SERPINE2: variants seen among roughly 807,000 people sequenced by gnomAD.
SERPINE2 encodes serpin family E member 2, also known as glia-derived nexin.
Under a neutral mutation model 36.3 loss-of-function variants are expected in SERPINE2, and 14 were observed. The ratio of observed to expected loss-of-function variants is 0.39; its 90% CI spans 0.25 to 0.60. The LOEUF (loss-of-function observed/expected upper bound fraction) is 0.60. Ranked by LOEUF, SERPINE2 falls within the 20% of genes least tolerant of loss-of-function variation. The probability of loss-of-function intolerance (pLI) is 0.57; values close to 1 mark genes in which losing one functional copy is unlikely to be tolerated. For missense variants in SERPINE2, 418 were observed against 499.6 expected (o/e 0.84, Z 1.56); for synonymous variants, 192 against 191.8 (o/e 1.00, Z -0.01).
intron 1 of SERPINE2, among the ~76,000 whole-genome samples, chr2:224,011,227 G>A (rs1489235703): frequency 2.6e-5 from 4 of 152,142 alleles, no homozygotes; most frequent in African/African-American, 9.7e-5. Context: ...ACCAAGAGGT[G>A]ACCCAAGACA....
At chr2:224,030,086 CT>C (rs1339601721) in intron 1 of SERPINE2, 4 of 985,310 alleles carry the variant, frequency 4.1e-6, no homozygotes, top group Admixed American at 1.2e-4. Flanking sequence ...AACGTGTTCC[CT>C]GGAAGACCTC....
At chr2:224,025,216 C>A (rs1202724284) in intron 1 of SERPINE2, among the ~76,000 whole-genome samples, 1 of 152,166 alleles carries the variant, frequency 6.6e-6, no homozygotes, top group Non-Finnish European at 1.5e-5. Flanking sequence ...GGTCACCTGC[C>A]CGCCCCTTGC....
intron 1 of SERPINE2, among the ~76,000 whole-genome samples, chr2:224,031,904 A>G (rs1201389638): frequency 6.6e-6 from 1 of 152,108 alleles, no homozygotes; most frequent in Non-Finnish European, 1.5e-5. Flanking sequence ...GATGAGAGGC[A>G]AGGAGAAAGA....
At chr2:224,005,066 T>TATATATTTATATATATATA (rs1691356737) in intron 1 of SERPINE2, among the ~76,000 whole-genome samples, 1 of 86,462 alleles carries the variant, frequency 1.2e-5, no homozygotes, top group South Asian at 2.7e-4. Flanking sequence ...TTATATATAT[T>TATATATTTATATATATATA]ATATATATAT....
At chr2:223,982,932 A>T (rs1690274084) in intron 5 of SERPINE2, 151 bp from the exon 6 acceptor site, 2 of 587,046 alleles carry the variant, frequency 3.4e-6, no homozygotes, top group African/African-American at 3.8e-5. Context: ...AAATTTAAAT[A>T]CCAGATAAGT....
chr2:224,017,599 C>T (rs1461281757), intron 1 of SERPINE2, among the ~76,000 whole-genome samples: 1 of 152,174 alleles, frequency 6.6e-6, no homozygotes, highest in Non-Finnish European at 1.5e-5. Context: ...GTTCCTAAGA[C>T]AAACCACCCA....
intron 1 of SERPINE2, chr2:224,030,358 A>G (rs765700162): frequency 2.6e-5 from 9 of 340,338 alleles, no homozygotes; most frequent in Non-Finnish European, 3.7e-5. Context: ...TGAGTCTCAG[A>G]GAAGTGCTCA....
Position 223,998,224 on chromosome 2 carries a change from A to G in SERPINE2, c.378T>C (p.Phe126=). 6.2e-7 allele frequency: 1 copy of G among 1,614,172 alleles called. No homozygotes were observed. The highest frequency in any genetic ancestry group is 2.2e-5 in the East Asian group (1 of 44,882). ...GGAACACATCTTTGTTCCTTGTAAC[A>G]AAAGGCACTTCAATTTCAGAGGCAT... ...VKNASEIEVP[F]VTRNKDVFQC... is the part of the protein sequence containing the mutation. The change falls in exon 3 of 9, where the codon TTT becomes TTC. Residue 126 remains phenylalanine (F), a synonymous_variant. Coordinates refer to ENST00000409304, the MANE Select transcript of SERPINE2 (RefSeq NM_001136528.2).
intron 1 of SERPINE2, among the ~76,000 whole-genome samples, chr2:224,007,355 C>T (rs1386337953): frequency 3.3e-5 from 5 of 152,120 alleles, no homozygotes; most frequent in African/African-American, 1.2e-4. Flanking sequence ...ATAAAACATA[C>T]ATATATTTTT....
intron 1 of SERPINE2, among the ~76,000 whole-genome samples, chr2:224,007,441 A>G (rs1338638524): frequency 2.6e-5 from 4 of 152,224 alleles, no homozygotes; most frequent in African/African-American, 9.6e-5. Flanking sequence ...CATCCAGAAA[A>G]AACAATTATT....
intron 5 of SERPINE2, among the ~76,000 whole-genome samples, chr2:223,983,944 T>C (rs2106138721): frequency 7.0e-6 from 1 of 143,362 alleles, no homozygotes; most frequent in Non-Finnish European, 1.5e-5. Flanking sequence ...TATCAAGCAT[T>C]GCCTACTTGA....
At chr2:223,977,869 C>T (rs1031753171) in intron 7 of SERPINE2, 15 of 455,508 alleles carry the variant, frequency 3.3e-5, no homozygotes, top group African/African-American at 2.9e-4. Context: ...CTCTGATAAA[C>T]ATACTTACTC....
In SERPINE2 at chr2:223,976,874, G is replaced by A. The variant is rs569324902; in HGVS notation, c.1156+670C>T. Among the ~76,000 whole-genome samples the A allele has an allele frequency of 5.9e-5, 9 of 152,278 alleles. No homozygotes were observed. In the South Asian group the frequency reaches 1.0e-3, roughly 18 times the overall value. On this transcript the variant is annotated intron_variant, in intron 8 of 8. Coordinates refer to ENST00000409304, the MANE Select transcript of SERPINE2 (RefSeq NM_001136528.2). ...TGTGTCTCCACTCAAATCTTGCCTCGAATTGTTAATAATCCCCATATATCA... is the reference window on the plus strand; with the variant it reads ...TGTGTCTCCACTCAAATCTTGCCTCAAATTGTTAATAATCCCCATATATCA...
intron 1 of SERPINE2, among the ~76,000 whole-genome samples, chr2:224,005,470 T>A (rs968140659): frequency 3.3e-5 from 5 of 152,198 alleles, no homozygotes; most frequent in Non-Finnish European, 5.9e-5. Flanking sequence ...TAAACTCACC[T>A]GGCTTATATA....
chr2:223,991,712 G>A, intron 4 of SERPINE2, 91 bp downstream of exon 4: 1 of 1,328,432 alleles, frequency 7.5e-7, no homozygotes. Flanking sequence ...AAGATGAAAA[G>A]TTAGATTTGC....
rs1414770380 is a variant in SERPINE2 at position 223,980,564 on chromosome 2, C to T, written c.986-167G>A. On this transcript the variant is annotated intron_variant, in intron 6 of 8. Transcript: ENST00000409304. ...TGTTGAAGGCTGCAGACAGCTGTTA[C>T]TTGTGAATTTCAGTCCCTGCTAAGT... 8.4e-6 allele frequency: 5 copies of T among 595,576 alleles called. No individual in the cohort carries two copies. In the African/African-American group the frequency reaches 9.3e-5, roughly 11 times the overall value. 36.9% of individuals were successfully genotyped at this position (595,576 alleles called of 1,614,324 possible). A position where few individuals can be genotyped will look rare whatever the true frequency, so the allele number is the denominator to read the frequency against.
intron 3 of SERPINE2, among the ~76,000 whole-genome samples, chr2:223,997,330 C>T (rs1334595934): frequency 6.6e-6 from 1 of 152,178 alleles, no homozygotes; most frequent in African/African-American, 2.4e-5. Context: ...AAGCGATTCT[C>T]CTGCCTCAGC....
At chr2:224,036,252 A>G (rs1692530218) in intron 1 of SERPINE2, among the ~76,000 whole-genome samples, 1 of 151,790 alleles carries the variant, frequency 6.6e-6, no homozygotes, top group Non-Finnish European at 1.5e-5. Context: ...CACAAAAGGG[A>G]TGACAGCGAA....
Position 223,984,913 on chromosome 2 carries a change from G to C in SERPINE2, c.723C>G (p.Phe241Leu), listed in dbSNP as rs1432206719. ...TTTCCCCGTGGTAGGGCAGTTCAAT[G>C]AAGTTGTACCATAAATCATTGGGGG... is the stretch of plus-strand genomic sequence containing the variant. ...TSAPNDLWYN[F>L]IELPYHGESI... The change falls in exon 5 of 9, where the codon TTC (phenylalanine) becomes TTG (leucine). Residue 241 changes from phenylalanine (F) to leucine (L), a missense_variant. Transcript: ENST00000409304. 6.2e-7 allele frequency: 1 copy of C among 1,614,086 alleles called. No individual in the cohort carries two copies. Among genetic ancestry groups the C allele is most frequent in the African/African-American group, 1.3e-5 (1 of 74,918 alleles).
Sources: allele counts gnomAD v4.1 joint callset (sites outside exome capture counted in the v4.1 genomes callset), GRCh38; gene constraint gnomAD v4.1.1; transcripts MANE v1.5; gene names NCBI Gene and HGNC (gene_info 2026-07-23, HGNC 2026-07-21).